The following LCORL variants were observed in gnomAD, a reference collection of about 807,000 sequenced individuals.
LCORL encodes the protein ligand-dependent nuclear receptor corepressor-like protein.
Under a neutral mutation model 141.8 loss-of-function variants are expected in LCORL, and 41 were observed. The observed-to-expected ratio is 0.29, with a 90% CI of 0.23 to 0.38. The LOEUF is 0.38. Ranked by LOEUF, LCORL falls within the 10% of genes least tolerant of loss-of-function variation. The pLI, the probability that LCORL is intolerant of heterozygous loss-of-function variation, is 1.00. For missense variants in LCORL, 1,759 were observed against 2,035.0 expected, an observed-to-expected ratio of 0.86 and a Z score of 2.61; for synonymous variants, 618 against 694.1, an observed-to-expected ratio of 0.89 and a Z score of 1.72.
intron 4 of LCORL, among the ~76,000 whole-genome samples, chr4:17,949,412 A>G (rs7657678): frequency 0.24 from 36,137 of 152,010 alleles, 5,481 homozygotes; most frequent in African/African-American, 0.43. Context: ...CCTTGACTGT[A>G]GTTCCTCTGT....
chr4:17,867,059 A>G, intron 7 of LCORL: 1 of 815,200 alleles, frequency 1.2e-6, no homozygotes, highest in Non-Finnish European at 1.5e-6. Flanking sequence ...ACAAAACAGA[A>G]TACAACTGGT....
intron 1 of LCORL, among the ~76,000 whole-genome samples, chr4:17,990,058 G>A (rs544249990): frequency 4.1e-5 from 6 of 147,590 alleles, no homozygotes; most frequent in Admixed American, 6.8e-5. Flanking sequence ...CTCCCACTTC[G>A]TCTTCTACCA....
intron 2 of LCORL, among the ~76,000 whole-genome samples, chr4:17,970,405 ATC>A (rs748342207): frequency 5.3e-5 from 8 of 152,224 alleles, no homozygotes; most frequent in Non-Finnish European, 1.2e-4. Flanking sequence ...TTCCAAGAGT[ATC>A]TGAGCTAGAG....
At chr4:17,873,364 A>C in intron 7 of LCORL, 24 bp downstream of exon 7, 1 of 1,227,586 alleles carries the variant, frequency 8.1e-7, no homozygotes, top group Non-Finnish European at 1.0e-6. Flanking sequence ...ATGAAACTTT[A>C]AAATTAAGTA....
chr4:17,941,866 TTG>T (rs1422559457), intron 4 of LCORL, among the ~76,000 whole-genome samples: 6 of 151,926 alleles, frequency 3.9e-5, no homozygotes, highest in African/African-American at 1.5e-4. Flanking sequence ...TTTTTTTTTT[TTG>T]CCTCCTCAGC....
chr4:17,924,047 G>A (rs774322245), intron 4 of LCORL, among the ~76,000 whole-genome samples: 1 of 151,868 alleles, frequency 6.6e-6, no homozygotes, highest in African/African-American at 2.4e-5. Flanking sequence ...ATTATATACC[G>A]ATTCACGGGC....
intron 1 of LCORL, among the ~76,000 whole-genome samples, chr4:17,988,898 C>T (rs748531485): frequency 1.3e-5 from 2 of 152,116 alleles, no homozygotes; most frequent in African/African-American, 2.4e-5. Flanking sequence ...GCAGGAGAAT[C>T]GTTTGAACTT....
intron 7 of LCORL, among the ~76,000 whole-genome samples, chr4:17,852,235 G>T (rs1348085871): frequency 6.6e-6 from 1 of 152,052 alleles, no homozygotes; most frequent in African/African-American, 2.4e-5. Flanking sequence ...CTATATCCTG[G>T]ATTCTAATGA....
intron 6 of LCORL, chr4:17,881,362 G>A (rs1727552229): frequency 1.0e-6 from 1 of 981,118 alleles, no homozygotes; most frequent in Non-Finnish European, 1.2e-6. Context: ...GGGAGAAGGG[G>A]AATTTCCCTG....
intron 2 of LCORL, among the ~76,000 whole-genome samples, chr4:17,970,482 C>T (rs1355248119): frequency 6.6e-6 from 1 of 152,136 alleles, no homozygotes; most frequent in Non-Finnish European, 1.5e-5. Flanking sequence ...ACTCTGAATA[C>T]ACAAGGTAGT....
At chr4:17,962,905 T>TA (rs371573867) in intron 3 of LCORL, 65 bp downstream of exon 3, 24,522 of 729,488 alleles carry the variant, frequency 0.034, 65 homozygotes, top group African/African-American at 0.06. Context: ...CAAATTAAGA[T>TA]AAAAAAAAAA....
At chr4:18,003,178 G>C (rs546253873) in intron 1 of LCORL, among the ~76,000 whole-genome samples, 7 of 152,170 alleles carry the variant, frequency 4.6e-5, no homozygotes, top group African/African-American at 1.7e-4. Context: ...TAAAGGTTGA[G>C]AGCAGAGCAA....
intron 1 of LCORL, among the ~76,000 whole-genome samples, chr4:18,015,254 A>G (rs10516315): frequency 0.24 from 36,845 of 152,050 alleles, 5,798 homozygotes; most frequent in African/African-American, 0.44. Context: ...CAGCGCACCC[A>G]TGTAGCCAAA....
At position 17,884,025 on chromosome 4, in the gene LCORL, T is replaced by A; in HGVS notation, c.776+2043A>T. On this transcript the variant is annotated intron_variant, in intron 6 of 7. Coordinates refer to ENST00000635767, the Ensembl canonical transcript of LCORL. This position sits in a 1 kb window ranked among gnomAD's most constrained non-coding sequence, Gnocchi z 4.4. The stretch of plus-strand genomic sequence containing the variant: ...TTTCGATCTAATCCATCTTCAGTAT[T>A]TTCAGAGGTTCCATCAACTGTTCCA... The A allele has an allele frequency of 6.4e-7, 1 of 1,550,850 alleles. No individual in the cohort carries two copies. Among genetic ancestry groups the A allele is most frequent in the Non-Finnish European group, 8.7e-7 (1 of 1,146,392 alleles).
rs141309738 is a variant in LCORL at position 17,975,524 on chromosome 4, G to A, written c.155-2639C>T. ...GAATTCTCCTGCCTCAGCCTCCTGA[G>A]GAGCTAGGACTAAAGGCACATGCCA... On this transcript the variant is annotated intron_variant, in intron 1 of 7. Transcript: ENST00000635767. Among the ~76,000 whole-genome samples the A allele has an allele frequency of 2.6e-3, 402 of 152,070 alleles. 3 individuals are homozygous for A. The highest frequency in any genetic ancestry group is 9.0e-3 in the African/African-American group (375 of 41,468).
At chr4:17,962,771 T>A (rs1714098291) in intron 3 of LCORL, among the ~76,000 whole-genome samples, 199 bp downstream of exon 3, 1 of 151,558 alleles carries the variant, frequency 6.6e-6, no homozygotes, top group Non-Finnish European at 1.5e-5. Context: ...AAAAGATGAG[T>A]TTTCTAGGAT....
At position 17,982,099 on chromosome 4, in the gene LCORL, CGTGTGTGTGTGTGTGT is replaced by C. The variant is rs57094203; in HGVS notation, c.155-9230_155-9215del. 9.1e-3 allele frequency among the ~76,000 whole-genome samples: 1,244 copies of C among 136,578 alleles called. 8 individuals carry two copies. The highest frequency in any genetic ancestry group is 0.012 in the Non-Finnish European group (776 of 64,008). The allele number at this position is 136,578 out of a possible 152,430, so 89.6% of individuals were successfully genotyped here. A position where few individuals can be genotyped will look rare whatever the true frequency, so the allele number is the denominator to read the frequency against. ...TTTTCATGGCTGCATAGTATTCCAT[CGTGTGTGTGTGTGTGT>C]GTGTGTGTGTGTGTGTGTGTGTGTG... is the stretch of plus-strand genomic sequence containing the variant. On this transcript the variant is annotated intron_variant, in intron 1 of 7. Coordinates refer to ENST00000635767, the Ensembl canonical transcript of LCORL.
Position 18,000,064 on chromosome 4 carries a change from C to T in LCORL, c.154+21534G>A, listed in dbSNP as rs375027114. On this transcript the variant is annotated intron_variant, in intron 1 of 7. Transcript: ENST00000635767. ...TTTAAGGTAACTCTGCACATCTAAC[C>T]GAACAAAACAAAGACAGAGAGTAAC... Among the ~76,000 whole-genome samples, 101 of 150,950 alleles carry T rather than the reference C, an allele frequency of 6.7e-4. 1 individual carries two copies. In the South Asian group the frequency reaches 0.019, roughly 29 times the overall value.
intron 5 of LCORL, among the ~76,000 whole-genome samples, chr4:17,907,860 T>C (rs569887104): frequency 1.3e-5 from 2 of 152,338 alleles, no homozygotes; most frequent in African/African-American, 4.8e-5. Context: ...TGACATTTCT[T>C]TCCCTATCTT....
Sources: gnomAD v4.1 joint callset for allele counts (sites outside exome capture counted in the v4.1 genomes callset) on GRCh38, gnomAD v4.1.1 for gene constraint, Gnocchi (gnomAD v3.1) non-coding constraint, MANE v1.5 for transcripts, NCBI Gene and HGNC (gene_info 2026-07-23, HGNC 2026-07-21) for gene names.